The following CLPX variants were observed in gnomAD, a reference collection of about 807,000 sequenced individuals.
CLPX encodes ATP-dependent clpX-like chaperone, mitochondrial.
Under a neutral mutation model 76.4 loss-of-function variants are expected in CLPX, and 34 were observed. The observed-to-expected ratio is 0.45, with a 90% CI of 0.34 to 0.59. The LOEUF (loss-of-function observed/expected upper bound fraction) is 0.59. Ranked by LOEUF, CLPX falls within the 20% of genes least tolerant of loss-of-function variation. CLPX has a pLI of 0.01. For synonymous variants in CLPX, 248 were observed against 270.9 expected (o/e 0.92, Z 0.83); for missense variants, 613 against 757.0 (o/e 0.81, Z 2.23).
At chr15:65,178,847 C>A (rs969561533) in intron 3 of CLPX, 87 bp downstream of exon 3, 3 of 740,616 alleles carry the variant, frequency 4.1e-6, no homozygotes, top group Non-Finnish European at 4.3e-6. Context: ...TATATTTATA[C>A]ATTTTACATA....
Position 65,153,525 on chromosome 15 carries a change from TTATAGAATAATGC to T in CLPX, c.1704+9_1704+21del. ...AACTCAGACCAAGAAATAATTGTTT[TTATAGAATAATGC>T]CAACTCACCATTATGGACCGAAGGC... On this transcript the variant is annotated intron_variant, in intron 12 of 13. Transcript: ENST00000300107. 3 of 1,456,260 alleles carry T rather than the reference TTATAGAATAATGC, an allele frequency of 2.1e-6. No homozygotes were observed. Among genetic ancestry groups the T allele is most frequent in the Non-Finnish European group, 2.8e-6 (3 of 1,052,938 alleles). The allele number at this position is 1,456,260 out of a possible 1,614,324, so 90.2% of individuals were successfully genotyped here.
chr15:65,172,757 A>G (rs1467789548), intron 3 of CLPX, among the ~76,000 whole-genome samples: 1 of 152,230 alleles, frequency 6.6e-6, no homozygotes, highest in Non-Finnish European at 1.5e-5. Flanking sequence ...AATCAAAACC[A>G]CAGTGAGTCC....
chr15:65,152,567 G>A, intron 12 of CLPX, 31 bp from the exon 13 acceptor site: 1 of 1,226,514 alleles, frequency 8.2e-7, no homozygotes, highest in African/African-American at 1.6e-5. Flanking sequence ...GAATCACATT[G>A]AAAACAGATT....
In CLPX at chr15:65,149,702, A is replaced by G. The variant is rs1475325477; in HGVS notation, c.*1121T>C. ...GGGTGAAACCCTGTCTCTACTAAAA[A>G]TACAAAAATTAGCCAGGTGTGGTGG... On this transcript the variant is annotated 3_prime_UTR_variant, in exon 14 of 14. Coordinates refer to ENST00000300107, the MANE Select transcript of CLPX (RefSeq NM_006660.5). The G allele has an allele frequency of 3.3e-6, 1 of 300,018 alleles. No individual in the cohort carries two copies. Among genetic ancestry groups the G allele is most frequent in the Non-Finnish European group, 6.6e-6 (1 of 152,514 alleles). The allele number at this position is 300,018 out of a possible 1,614,324, so 18.6% of individuals were successfully genotyped here.
intron 7 of CLPX, chr15:65,158,158 G>A (rs1193086819): frequency 5.4e-6 from 2 of 372,098 alleles, no homozygotes; most frequent in Non-Finnish European, 9.6e-6. Context: ...TCAGCCTCAG[G>A]ACTACAGGCA....
intron 2 of CLPX, 94 bp downstream of exon 2, chr15:65,179,950 A>G: frequency 1.2e-6 from 1 of 812,222 alleles, no homozygotes; most frequent in South Asian, 3.6e-5. Flanking sequence ...TTTCCTACAG[A>G]AAACATATAA....
chr15:65,179,220 A>T (rs2088131070), intron 2 of CLPX, among the ~76,000 whole-genome samples, 169 bp from the exon 3 acceptor site: 1 of 152,226 alleles, frequency 6.6e-6, no homozygotes, highest in Admixed American at 6.5e-5. Flanking sequence ...AGATCTATTT[A>T]CTTCAAAAAT....
intron 4 of CLPX, among the ~76,000 whole-genome samples, chr15:65,164,475 TAAC>T (rs1167926300): frequency 1.3e-5 from 2 of 152,192 alleles, no homozygotes; most frequent in Non-Finnish European, 2.9e-5. Context: ...TATTTTTTGA[TAAC>T]AAATTAAATT....
chr15:65,152,008 C>T (rs1036538351), intron 13 of CLPX, among the ~76,000 whole-genome samples: 2 of 152,098 alleles, frequency 1.3e-5, no homozygotes, highest in Non-Finnish European at 2.9e-5. Flanking sequence ...TGGCTCATTG[C>T]AACCTCCGCC....
At chr15:65,172,403 G>A (rs1311779852) in intron 3 of CLPX, among the ~76,000 whole-genome samples, 1 of 152,108 alleles carries the variant, frequency 6.6e-6, no homozygotes, top group African/African-American at 2.4e-5. Context: ...AGGCTGAGGT[G>A]GGCGGATCAC....
At chr15:65,178,700 CTTT>C (rs35901458) in intron 3 of CLPX, among the ~76,000 whole-genome samples, 1 of 134,300 alleles carries the variant, frequency 7.4e-6, no homozygotes, top group African/African-American at 2.7e-5. Context: ...CCATACCTGG[CTTT>C]TTTTTTTTTT....
chr15:65,150,787 G>A lies in CLPX; in HGVS notation c.*36C>T, dbSNP rs1846821349. The A allele has an allele frequency of 1.4e-6, 2 of 1,420,596 alleles. No individual in the cohort carries two copies. Among genetic ancestry groups the A allele is most frequent in the Non-Finnish European group, 2.0e-6 (2 of 1,015,896 alleles). The allele number at this position is 1,420,596 out of a possible 1,614,324, so 88.0% of individuals were successfully genotyped here. On this transcript the variant is annotated 3_prime_UTR_variant, in exon 14 of 14. Coordinates refer to ENST00000300107, the MANE Select transcript of CLPX (RefSeq NM_006660.5). ...ACAATTATGATCCTAAACAAAAGAA[G>A]GAAAAGCTGTATATACAAGACAGCA...
chr15:65,180,279 CA>C, intron 1 of CLPX, 75 bp from the exon 2 acceptor site: 2 of 1,149,184 alleles, frequency 1.7e-6, no homozygotes, highest in Non-Finnish European at 2.4e-6. Flanking sequence ...ATTCCTTGAG[CA>C]TAAAGGAGGT....
At chr15:65,155,921 A>T (rs1379618219) in intron 9 of CLPX, 65 bp from the exon 10 acceptor site, 1 of 1,344,830 alleles carries the variant, frequency 7.4e-7, no homozygotes, top group Admixed American at 2.1e-5. Context: ...TACTTTAGAC[A>T]ATAGGATTAA....
chr15:65,172,234 A>G (rs1344132949), intron 3 of CLPX, among the ~76,000 whole-genome samples: 3 of 152,322 alleles, frequency 2.0e-5, no homozygotes, highest in Non-Finnish European at 4.4e-5. Flanking sequence ...AACGGCTGGC[A>G]TTACAGGCAT....
intron 1 of CLPX, among the ~76,000 whole-genome samples, chr15:65,184,186 G>A (rs905177258): frequency 1.3e-5 from 2 of 152,184 alleles, no homozygotes; most frequent in Non-Finnish European, 2.9e-5. Flanking sequence ...AAAATAAAAC[G>A]AATTTGTCTA....
chr15:65,155,434 A>G (rs2087776060), intron 10 of CLPX, among the ~76,000 whole-genome samples: 1 of 152,138 alleles, frequency 6.6e-6, no homozygotes, highest in South Asian at 2.1e-4. Flanking sequence ...TATTTTTAGT[A>G]GAGACAGGGT....
At chr15:65,161,459 G>T (rs1360868924) in intron 6 of CLPX, among the ~76,000 whole-genome samples, 1 of 152,090 alleles carries the variant, frequency 6.6e-6, no homozygotes, top group Non-Finnish European at 1.5e-5. Context: ...CAACAAAACT[G>T]CACATGACAA....
In CLPX at chr15:65,171,940, T is replaced by C. The variant is rs183497003; in HGVS notation, c.359-5155A>G. 5.9e-5 allele frequency among the ~76,000 whole-genome samples: 9 copies of C among 152,342 alleles called. No homozygotes were observed. The East Asian group carries it at 1.5e-3, about 26-fold the overall frequency. ...CCCTAAATTCAAGGATTCAATGTTA[T>C]TTATCAAAATGCTATTTTGGGAAAA... On this transcript the variant is annotated intron_variant, in intron 3 of 13. Transcript: ENST00000300107.
Sources: allele counts gnomAD v4.1 joint callset (sites outside exome capture counted in the v4.1 genomes callset), GRCh38; gene constraint gnomAD v4.1.1; transcripts MANE v1.5; gene names NCBI Gene and HGNC (gene_info 2026-07-23, HGNC 2026-07-21).